Variants in ZNF831 observed in about 807,000 individuals in gnomAD.
The protein encoded by ZNF831 is zinc finger protein 831, also known as chromosome 20 open reading frame 174.
Under a neutral mutation model 95.8 loss-of-function variants are expected in ZNF831, and 59 were observed. That is an observed-to-expected ratio of 0.62 (90% confidence interval 0.50 to 0.77). The LOEUF (loss-of-function observed/expected upper bound fraction) is 0.77, where lower values mean the gene tolerates loss of function less well. ZNF831 is among the 30% of genes least tolerant of loss of function. ZNF831 has a pLI of 0.00. For missense variants in ZNF831, 2,205 were observed against 2,164.0 expected, an observed-to-expected ratio of 1.02 and a Z score of -0.38; for synonymous variants, 961 against 925.5, an observed-to-expected ratio of 1.04 and a Z score of -0.70.
rs376539811 is a variant in ZNF831, at chr20:59,190,165, G to A, written c.-36-819G>A. ...GCCCCACCTTTGAGCAGAGACCTAA[G>A]TCTTGTCTTGAGGCTGAGGAAGTGC... On this transcript the variant is annotated intron_variant, in intron 1 of 5. Transcript: ENST00000371030. Among the ~76,000 whole-genome samples the A allele has an allele frequency of 5.1e-4, 77 of 152,334 alleles. 1 individual carries two copies. In the South Asian group the frequency reaches 0.015, roughly 30 times the overall value.
At chr20:59,166,588 C>G (rs186856596) in intron 1 of ZNF831, among the ~76,000 whole-genome samples, 6 of 152,266 alleles carry the variant, frequency 3.9e-5, no homozygotes, top group East Asian at 3.9e-4. Flanking sequence ...TCTCTCCCCC[C>G]CAACCCCTTA....
Position 59,193,295 on chromosome 20 carries a change from G to A in ZNF831, c.2276G>A (p.Trp759Ter), listed in dbSNP as rs376627327. 1 of 1,611,408 alleles carries A rather than the reference G, an allele frequency of 6.2e-7. No individual in the cohort carries two copies. The highest frequency in any genetic ancestry group is 8.5e-7 in the Non-Finnish European group (1 of 1,178,942). The stretch of plus-strand genomic sequence containing the variant: ...CCAAATGGGAGGCTGGAACTGGGGT[G>A]GCAGATGCCCCCAGCACCTGGCCCC... ...VSPNGRLELG[W>*]QMPPAPGPLK... Residue 759 changes from tryptophan (W) to a stop codon, truncating the protein, a stop_gained, in exon 2 of 6, where the codon TGG becomes TAG. Transcript: ENST00000371030. LOFTEE classifies it high-confidence loss of function.
At chr20:59,251,048 G>A in intron 4 of ZNF831, among the ~76,000 whole-genome samples, 1 of 152,264 alleles carries the variant, frequency 6.6e-6, no homozygotes, top group South Asian at 2.1e-4. Context: ...ATTGCTGAGA[G>A]TATAAGTGTT....
intron 2 of ZNF831, among the ~76,000 whole-genome samples, chr20:59,153,435 G>A (rs752672715): frequency 4.6e-5 from 7 of 152,358 alleles, no homozygotes; most frequent in Non-Finnish European, 1.0e-4. Context: ...CCCTGGGAGC[G>A]GAAGGCTTGG....
chr20:59,196,940 C>A (rs1374759849), intron 3 of ZNF831, among the ~76,000 whole-genome samples: 1 of 143,324 alleles, frequency 7.0e-6, no homozygotes, highest in African/African-American at 2.9e-5. Context: ...CCACGCCCAG[C>A]TATTTTTTTT....
chr20:59,215,381 A>C (rs12625057), intron 4 of ZNF831, among the ~76,000 whole-genome samples: 10,535 of 152,308 alleles, frequency 0.069, 670 homozygotes, highest in East Asian at 0.29. Flanking sequence ...TAAGAACTAC[A>C]TTGAGTTTAT....
chr20:59,193,055 C>T lies in ZNF831; in HGVS notation c.2036C>T (p.Pro679Leu), dbSNP rs758109955. 1.4e-5 allele frequency: 22 copies of T among 1,580,616 alleles called. No individual in the cohort carries two copies. Among genetic ancestry groups the T allele is most frequent in the Non-Finnish European group, 1.8e-5 (21 of 1,164,036 alleles). Reference protein sequence around the residue: ...GTVPTQDRRTPVHEDISAGAT... With the variant: ...GTVPTQDRRTLVHEDISAGAT... ...GTCCCCACCCAAGACAGGAGGACCC[C>T]TGTCCATGAGGACATATCCGCAGGG... is the stretch of plus-strand genomic sequence containing the variant. Residue 679 changes from proline to leucine, a missense_variant, in exon 2 of 6, where the codon CCT becomes CTT. Physicochemically the swap from Pro to Leu is moderately conservative, Grantham distance 98 (BLOSUM62 -3). Transcript: ENST00000371030.
At chr20:59,213,209 T>C (rs752834222) in intron 4 of ZNF831, among the ~76,000 whole-genome samples, 3 of 152,232 alleles carry the variant, frequency 2.0e-5, no homozygotes, top group Non-Finnish European at 4.4e-5. Flanking sequence ...TAAAAATGTA[T>C]GTCCTCATCA....
intron 4 of ZNF831, among the ~76,000 whole-genome samples, chr20:59,222,089 C>T (rs1016745255): frequency 9.9e-5 from 15 of 152,248 alleles, no homozygotes; most frequent in African/African-American, 3.6e-4. Context: ...CTTTCTGCCT[C>T]CTCCTGTCTC....
At chr20:59,230,639 T>C (rs970661583) in intron 4 of ZNF831, among the ~76,000 whole-genome samples, 3 of 152,224 alleles carry the variant, frequency 2.0e-5, no homozygotes, top group Non-Finnish European at 4.4e-5. Flanking sequence ...AGGCTATAGT[T>C]TGCTGATGCC....
chr20:59,195,900 C>T lies in ZNF831; in HGVS notation c.3770C>T (p.Pro1257Leu). ...TACCCAACAGTCCCAGGGGTGATGC[C>T]CCAGCACCAGGTGTCTGAGCCAGAA... ...FSYPTVPGVM[P>L]QHQVSEPEWK... Residue 1257 changes from proline to leucine, a missense_variant, in exon 3 of 6, where the codon CCC becomes CTC. Coordinates refer to ENST00000371030, the MANE Select transcript of ZNF831 (RefSeq NM_178457.3). 3.1e-6 allele frequency: 5 copies of T among 1,614,132 alleles called. No individual in the cohort carries two copies. Among genetic ancestry groups the T allele is most frequent in the Non-Finnish European group, 4.2e-6 (5 of 1,180,032 alleles).
chr20:59,194,394 T>C lies in ZNF831; in HGVS notation c.3375T>C (p.Cys1125=), dbSNP rs777210706. The part of the protein sequence containing the change: ...SSGPLVGPDP[C]SPLQPGSFLT... ...GGCCCCTGGTGGGCCCCGACCCGTG[T>C]TCCCCCCTCCAGCCTGGCTCCTTCC... The change falls in exon 2 of 6, where the codon TGT becomes TGC. Residue 1125 remains cysteine (C), a synonymous_variant. Transcript: ENST00000371030. 5 of 1,610,028 alleles carry C rather than the reference T, an allele frequency of 3.1e-6. No homozygotes were observed. The highest frequency in any genetic ancestry group is 2.5e-6 in the Non-Finnish European group (3 of 1,178,216).
At chr20:59,126,654 G>C (rs6015445) in intron 1 of ZNF831, among the ~76,000 whole-genome samples, 17,907 of 152,142 alleles carry the variant, frequency 0.12, 1,146 homozygotes, top group African/African-American at 0.15. Context: ...CTTCCATGGC[G>C]CCCCGTTTCC....
At chr20:59,249,551 A>G (rs1199087457) in intron 4 of ZNF831, among the ~76,000 whole-genome samples, 1 of 152,080 alleles carries the variant, frequency 6.6e-6, no homozygotes, top group Non-Finnish European at 1.5e-5. Flanking sequence ...GGGTCATTGA[A>G]GGGGCCCAGG....
rs935292754 is a variant in ZNF831 at position 59,148,552 on chromosome 20, C to T, written c.-1281+2178C>T. Among the ~76,000 whole-genome samples, 248 of 135,806 alleles carry T rather than the reference C, an allele frequency of 1.8e-3. 22 individuals carry two copies. Among genetic ancestry groups the T allele is most frequent in the African/African-American group, 6.7e-3 (232 of 34,882 alleles). The allele number at this position is 135,806 out of a possible 152,430, so 89.1% of individuals were successfully genotyped here. On this transcript the variant is annotated intron_variant, in intron 2 of 7. Coordinates refer to the ZNF831 transcript ENST00000637017. ...AAAATTAGCCGGGCATGGTGGCGCG[C>T]GCCTGTAGTCCCAGCTACACGGGAG...
chr20:59,152,525 G>A (rs1601303054), intron 2 of ZNF831, among the ~76,000 whole-genome samples: 1 of 152,208 alleles, frequency 6.6e-6, no homozygotes, highest in East Asian at 1.9e-4. Flanking sequence ...CCGGGGCAGT[G>A]GGCTTGGAGC....
intron 3 of ZNF831, among the ~76,000 whole-genome samples, chr20:59,204,508 A>T (rs962321452): frequency 1.1e-4 from 17 of 151,386 alleles, no homozygotes; most frequent in African/African-American, 4.1e-4. Context: ...TGCCATCCAC[A>T]CCTCCACTGC....
At position 59,193,266 on chromosome 20, in the gene ZNF831, C is replaced by T. The variant is rs767005659; in HGVS notation, c.2247C>T (p.Val749=). 4 of 1,608,514 alleles carry T rather than the reference C, an allele frequency of 2.5e-6. No individual in the cohort carries two copies. In the African/African-American group the frequency reaches 4.0e-5, roughly 16 times the overall value. ...GTTCAGGCAGTAGGAGCCCCCTGGT[C>T]TCTCCAAATGGGAGGCTGGAACTGG... ...SPCSGSRSPL[V]SPNGRLELGW... Residue 749 remains valine, a synonymous_variant, in exon 2 of 6, where the codon GTC becomes GTT. Coordinates refer to ENST00000371030, the MANE Select transcript of ZNF831 (RefSeq NM_178457.3).
chr20:59,144,423 A>G (rs61584610), intron 1 of ZNF831, among the ~76,000 whole-genome samples: 1,623 of 152,242 alleles, frequency 0.011, 35 homozygotes, highest in African/African-American at 0.038. Context: ...TGGGCATTGT[A>G]GGGTGCTTAG....
Sources: allele counts gnomAD v4.1 joint callset (sites outside exome capture counted in the v4.1 genomes callset), GRCh38; gene constraint gnomAD v4.1.1; transcripts MANE v1.5; gene names NCBI Gene and HGNC (gene_info 2026-07-23, HGNC 2026-07-21).